Variants in FHOD3 observed in about 807,000 individuals in gnomAD.
FHOD3 encodes the protein FH1/FH2 domain-containing protein 3.
In FHOD3, 90 loss-of-function variants were observed where a neutral mutation model predicts 173.0. The ratio of observed to expected loss-of-function variants is 0.52; its 90% CI spans 0.44 to 0.62. FHOD3 has a LOEUF of 0.62. FHOD3 is among the 20% of genes least tolerant of loss of function. FHOD3 has a pLI of 0.00. For missense variants in FHOD3, 1,945 were observed against 2,034.7 expected (o/e 0.96, Z 0.85); for synonymous variants, 828 against 823.0 (o/e 1.01, Z -0.10).
At chr18:36,716,871 G>GGGT (rs2040478525) in intron 18 of FHOD3, among the ~76,000 whole-genome samples, 1 of 152,008 alleles carries the variant, frequency 6.6e-6, no homozygotes, top group Admixed American at 6.5e-5. Flanking sequence ...GTGGGGCCAA[G>GGGT]GGTGGTTTTG....
intron 18 of FHOD3, chr18:36,710,437 C>G (rs1273376311): frequency 6.6e-6 from 1 of 152,216 alleles, no homozygotes; most frequent in African/African-American, 2.4e-5. Flanking sequence ...ATGGCTTATT[C>G]ATTCCTAGAT....
chr18:36,496,895 T>G (rs1343726273), intron 3 of FHOD3, among the ~76,000 whole-genome samples: 1 of 152,216 alleles, frequency 6.6e-6, no homozygotes, highest in African/African-American at 2.4e-5. Context: ...GGATTTCTGA[T>G]CAAGACCTTG....
intron 5 of FHOD3, among the ~76,000 whole-genome samples, chr18:36,560,842 G>GTTT (rs1318480145): frequency 2.9e-4 from 37 of 127,594 alleles, no homozygotes; most frequent in African/African-American, 9.6e-4. Context: ...TTTTTTTTCT[G>GTTT]TTTTTTTTTT....
chr18:36,536,286 T>C (rs1343080025), intron 5 of FHOD3, among the ~76,000 whole-genome samples: 3 of 152,252 alleles, frequency 2.0e-5, no homozygotes, highest in Non-Finnish European at 4.4e-5. Context: ...TCTGGTCTTA[T>C]ACAAATACAA....
At position 36,755,244 on chromosome 18, in the gene FHOD3, T is replaced by G. The variant is rs771530659; in HGVS notation, c.4358T>G (p.Leu1453Trp). ...TATCGCACAACCAGGGAAAGGGTTT[T>G]GCAGCAGAAACAGAAACGGGCCAAC... ...LEYRTTRERV[L>W]QQKQKRANHR... The change falls in exon 25 of 29, where the codon TTG (leucine) becomes TGG (tryptophan). Residue 1453 changes from leucine (L) to tryptophan (W), a missense_variant. Physicochemically the swap from Leu to Trp is moderately conservative, Grantham distance 61. Coordinates refer to ENST00000590592, the MANE Select transcript of FHOD3 (RefSeq NM_001281740.3). 3 of 1,612,576 alleles carry G rather than the reference T, an allele frequency of 1.9e-6. No individual in the cohort carries two copies. In the African/African-American group the frequency reaches 4.0e-5, roughly 22 times the overall value.
In FHOD3 at chr18:36,372,553, G is replaced by GT. The variant is rs2146095119; in HGVS notation, c.273-126dup. ...TTATTTCAGGATAGATTCTTATTCA[G>GT]TGTGGGTCTCTGCTTCTCTGGATCC... On this transcript the variant is annotated intron_variant, in intron 2 of 28. Transcript: ENST00000590592. 3 of 645,528 alleles carry GT rather than the reference G, an allele frequency of 4.6e-6. No individual in the cohort carries two copies. The Admixed American group carries it at 7.8e-5, about 17-fold the overall frequency. The allele number at this position is 645,528 out of a possible 1,614,324, so 40.0% of individuals were successfully genotyped here. A position where few individuals can be genotyped will look rare whatever the true frequency, so the allele number is the denominator to read the frequency against.
At chr18:36,461,351 C>G (rs890837562) in intron 3 of FHOD3, among the ~76,000 whole-genome samples, 2 of 152,036 alleles carry the variant, frequency 1.3e-5, no homozygotes, top group Non-Finnish European at 2.9e-5. Context: ...TTTTTCATTC[C>G]ATTCTCACCC....
chr18:36,760,814 C>A (rs1213021831), intron 27 of FHOD3, 32 bp downstream of exon 27: 6 of 1,578,000 alleles, frequency 3.8e-6, no homozygotes, highest in Non-Finnish European at 5.2e-6. Flanking sequence ...CTCGTCTTGT[C>A]TTCTCAGGTT....
At chr18:36,603,426 A>T (rs572844549) in intron 8 of FHOD3, among the ~76,000 whole-genome samples, 1 of 151,862 alleles carries the variant, frequency 6.6e-6, no homozygotes, top group Non-Finnish European at 1.5e-5. Flanking sequence ...TTTCTAGTAA[A>T]TCCAGGAAAG....
At chr18:36,434,851 T>A (rs2050731775) in intron 3 of FHOD3, among the ~76,000 whole-genome samples, 1 of 152,080 alleles carries the variant, frequency 6.6e-6, no homozygotes, top group Admixed American at 6.5e-5. Flanking sequence ...ATTGCTCATA[T>A]ATAGAAATAA....
chr18:36,700,716 C>T (rs2039535788), intron 17 of FHOD3, among the ~76,000 whole-genome samples: 2 of 152,286 alleles, frequency 1.3e-5, no homozygotes, highest in East Asian at 1.9e-4. Context: ...GGTGGCTCTC[C>T]ATTATCTACC....
chr18:36,350,813 T>G (rs1164154741), intron 1 of FHOD3, among the ~76,000 whole-genome samples: 1 of 152,234 alleles, frequency 6.6e-6, no homozygotes, highest in Admixed American at 6.5e-5. Flanking sequence ...TTCATATTGT[T>G]TTTAGTTCTT....
intron 5 of FHOD3, among the ~76,000 whole-genome samples, chr18:36,559,155 A>T (rs2058000532): frequency 6.6e-6 from 1 of 152,186 alleles, no homozygotes; most frequent in Non-Finnish European, 1.5e-5. Context: ...CTTGAGTTGG[A>T]TTCTTTGGGG....
At chr18:36,652,956 T>A (rs1386162242) in intron 12 of FHOD3, 27 bp downstream of exon 12, 1 of 1,513,154 alleles carries the variant, frequency 6.6e-7, no homozygotes. Context: ...GGAGGCTTGT[T>A]TGAGATTAAC....
intron 24 of FHOD3, 103 bp downstream of exon 24, chr18:36,747,238 C>CCAAGAATGTACAAAA: frequency 1.1e-6 from 1 of 903,428 alleles, no homozygotes; most frequent in Non-Finnish European, 1.6e-6. Context: ...ATTTTTTGTA[C>CCAAGAATGTACAAAA]ATTCTTGGTA....
chr18:36,356,749 C>T (rs1274999978), intron 2 of FHOD3, among the ~76,000 whole-genome samples: 1 of 152,198 alleles, frequency 6.6e-6, no homozygotes, highest in South Asian at 2.1e-4. Flanking sequence ...AATTCTCCTG[C>T]CTCAGACTCC....
chr18:36,580,717 A>G (rs2058819922), intron 6 of FHOD3, among the ~76,000 whole-genome samples: 1 of 152,260 alleles, frequency 6.6e-6, no homozygotes, highest in Non-Finnish European at 1.5e-5. Flanking sequence ...CAACAGATAC[A>G]TCAACCCAAG....
chr18:36,365,523 A>G (rs1598852065), intron 2 of FHOD3, among the ~76,000 whole-genome samples: 1 of 152,214 alleles, frequency 6.6e-6, no homozygotes, highest in African/African-American at 2.4e-5. Flanking sequence ...GTGTGGGGAC[A>G]CAGAGCGATT....
chr18:36,623,210 T>C (rs1354588422), intron 9 of FHOD3, among the ~76,000 whole-genome samples: 2 of 152,200 alleles, frequency 1.3e-5, no homozygotes, highest in Non-Finnish European at 2.9e-5. Context: ...ATGCACACTG[T>C]GTGCCTCTCT....
Sources: allele counts gnomAD v4.1 joint callset (sites outside exome capture counted in the v4.1 genomes callset), GRCh38; gene constraint gnomAD v4.1.1; transcripts MANE v1.5; gene names NCBI Gene and HGNC (gene_info 2026-07-23, HGNC 2026-07-21).